ATAD2B: variants seen among roughly 807,000 people sequenced by gnomAD.
ATAD2B encodes ATPase family AAA domain containing 2B.
In ATAD2B, 40 loss-of-function variants were observed where a neutral mutation model predicts 167.6. The observed-to-expected ratio is 0.24, with a 90% confidence interval of 0.19 to 0.31. The LOEUF (loss-of-function observed/expected upper bound fraction) is 0.31, where lower values mean the gene tolerates loss of function less well. Among genes scored for constraint, ATAD2B ranks in the 10% least tolerant of loss-of-function variants. ATAD2B has a pLI of 1.00. For missense variants in ATAD2B, 1,242 were observed against 1,757.2 expected, an observed-to-expected ratio of 0.71 and a Z score of 5.24; for synonymous variants, 579 against 596.5, an observed-to-expected ratio of 0.97 and a Z score of 0.43.
At chr2:23,729,555 T>A in the ATAD2B span, among the ~76,000 whole-genome samples, 1 of 152,130 alleles carries the variant, frequency 6.6e-6, no homozygotes, top group African/African-American at 2.4e-5. Context: ...CATCAGAATA[T>A]CCATTCTGTT....
At chr2:23,770,425 T>G (rs1216511236) in intron 22 of ATAD2B, among the ~76,000 whole-genome samples, 2 of 152,232 alleles carry the variant, frequency 1.3e-5, no homozygotes, top group African/African-American at 4.8e-5. Context: ...TGTCTTCAGC[T>G]CTTATGTCCA....
At chr2:23,709,494 C>T in the ATAD2B span, among the ~76,000 whole-genome samples, 6 of 152,154 alleles carry the variant, frequency 3.9e-5, no homozygotes, top group Admixed American at 1.3e-4. Context: ...AGGTAGAGCG[C>T]CAGATGGGAG....
At chr2:23,834,363 T>C (rs113959045) in intron 13 of ATAD2B, among the ~76,000 whole-genome samples, 5 of 151,820 alleles carry the variant, frequency 3.3e-5, no homozygotes, top group African/African-American at 7.3e-5. Context: ...GGTTTCGCTA[T>C]ATTGGTCAGG....
chr2:23,679,572 G>A, the ATAD2B span, among the ~76,000 whole-genome samples: 2 of 144,440 alleles, frequency 1.4e-5, no homozygotes, highest in African/African-American at 2.5e-5. Context: ...ACCTCTTGAC[G>A]GGGGAAGCTA....
At chr2:23,701,816 T>A in the ATAD2B span, among the ~76,000 whole-genome samples, 4 of 89,120 alleles carry the variant, frequency 4.5e-5, no homozygotes, top group Non-Finnish European at 9.2e-5. Context: ...TTTTTTTTTT[T>A]TTTCAGACGG....
intron 13 of ATAD2B, among the ~76,000 whole-genome samples, chr2:23,844,174 A>C (rs1160469175): frequency 6.6e-6 from 1 of 152,204 alleles, no homozygotes; most frequent in Non-Finnish European, 1.5e-5. Context: ...TCCTGACCTC[A>C]GGTGATACAC....
chr2:23,696,621 C>T, the ATAD2B span: 2 of 880,284 alleles, frequency 2.3e-6, no homozygotes, highest in Non-Finnish European at 3.4e-6. This position sits in a 1 kb window ranked among gnomAD's most constrained non-coding sequence, Gnocchi z 5.5. Flanking sequence ...TGGAGCAGAG[C>T]CTGGACCATT....
chr2:23,838,504 C>T (rs983481198), intron 13 of ATAD2B, among the ~76,000 whole-genome samples: 7 of 152,040 alleles, frequency 4.6e-5, no homozygotes, highest in Non-Finnish European at 7.4e-5. Flanking sequence ...TTAGCAACTC[C>T]TATTATGTAG....
intron 1 of ATAD2B, among the ~76,000 whole-genome samples, chr2:23,915,442 T>TA (rs764031236): frequency 0.063 from 8,641 of 136,100 alleles, 273 homozygotes; most frequent in Middle Eastern, 0.1. Context: ...AAGTCTTGAT[T>TA]AAAAAAAAAA....
chr2:23,750,932 C>T lies in ATAD2B; in HGVS notation c.*1114G>A, dbSNP rs941149910. 2.0e-5 allele frequency: 3 copies of T among 152,044 alleles called. No homozygotes were observed. The highest frequency in any genetic ancestry group is 7.2e-5 in the African/African-American group (3 of 41,408). 9.4% of individuals were successfully genotyped at this position (152,044 alleles called of 1,614,324 possible). ...TAATACTGTTATTCAAGGACCATAC[C>T]AGAGCTCGTTTGCAATTAAGCATAC... On this transcript the variant is annotated 3_prime_UTR_variant, in exon 28 of 28. Transcript: ENST00000238789.
the ATAD2B span, among the ~76,000 whole-genome samples, chr2:23,681,815 T>G: frequency 2.0e-5 from 3 of 152,146 alleles, no homozygotes; most frequent in Non-Finnish European, 4.4e-5. The surrounding 1 kb of genome is among the most constrained non-coding windows in gnomAD (Gnocchi z 4.2). Flanking sequence ...ACCTGGCTCG[T>G]GGTTTGGGCA....
At chr2:23,737,950 T>C in the ATAD2B span, among the ~76,000 whole-genome samples, 4 of 152,146 alleles carry the variant, frequency 2.6e-5, no homozygotes, top group East Asian at 7.7e-4. Flanking sequence ...AGGGTATCAG[T>C]GATGGAAGAC....
the ATAD2B span, among the ~76,000 whole-genome samples, chr2:23,715,883 A>G: frequency 1.3e-5 from 2 of 152,340 alleles, no homozygotes; most frequent in East Asian, 3.9e-4. Flanking sequence ...CAGAGCTGAC[A>G]GCTTACTGAT....
intron 1 of ATAD2B, among the ~76,000 whole-genome samples, chr2:23,916,236 C>G (rs1703025312): frequency 6.6e-6 from 1 of 152,134 alleles, no homozygotes; most frequent in African/African-American, 2.4e-5. Flanking sequence ...ATTATCTTGT[C>G]AAGGGTCAAA....
chr2:23,841,814 C>A (rs1258939598), intron 13 of ATAD2B, among the ~76,000 whole-genome samples: 1 of 152,216 alleles, frequency 6.6e-6, no homozygotes, highest in Non-Finnish European at 1.5e-5. Context: ...CTACACTCAT[C>A]CAGAAATTCA....
chr2:23,697,389 G>T, the ATAD2B span: 1 of 152,244 alleles, frequency 6.6e-6, no homozygotes. Flanking sequence ...GTGCCTGGAG[G>T]GTAACCCGTC....
At chr2:23,905,932 T>C (rs936380106) in intron 1 of ATAD2B, among the ~76,000 whole-genome samples, 5 of 152,288 alleles carry the variant, frequency 3.3e-5, no homozygotes, top group South Asian at 2.1e-4. Context: ...GCTGATAGTA[T>C]TGGGGAATGG....
chr2:23,895,830 A>C lies in ATAD2B; in HGVS notation c.357T>G (p.Thr119=). Residue 119 remains threonine (T), a synonymous_variant, in exon 2 of 28, where the codon ACT becomes ACG. Transcript: ENST00000238789. ...TGQREEWNLS[T]GQARLTSQPG... is the part of the protein sequence containing the mutation. ...TTCTCCTTTCTCACCTGGCCTGTCC[A>C]GTTGATAAGTTCCATTCCTCTCGCT... 1 of 1,610,124 alleles carries C rather than the reference A, an allele frequency of 6.2e-7. No homozygotes were observed. Among genetic ancestry groups the C allele is most frequent in the Non-Finnish European group, 8.5e-7 (1 of 1,177,714 alleles).
At chr2:23,859,813 C>T (rs970697718) in intron 12 of ATAD2B, among the ~76,000 whole-genome samples, 9 of 150,086 alleles carry the variant, frequency 6.0e-5, no homozygotes, top group African/African-American at 2.0e-4. Context: ...CCACGCGTGG[C>T]GGGGGGGGCA....
Sources: allele counts gnomAD v4.1 joint callset (sites outside exome capture counted in the v4.1 genomes callset), GRCh38; gene constraint gnomAD v4.1.1; non-coding constraint Gnocchi (gnomAD v3.1); transcripts MANE v1.5; gene names NCBI Gene and HGNC (gene_info 2026-07-23, HGNC 2026-07-21).